Variants in ARMC2 observed in about 807,000 individuals in gnomAD.
ARMC2 encodes the protein armadillo repeat-containing protein 2.
Under a neutral mutation model 90.3 loss-of-function variants are expected in ARMC2, and 67 were observed. That is an observed-to-expected ratio of 0.74 (90% CI 0.61 to 0.91). ARMC2 has a LOEUF of 0.91. Ranked by LOEUF, ARMC2 falls within the 40% of genes least tolerant of loss-of-function variation. ARMC2 has a pLI of 0.00. For synonymous variants in ARMC2, 393 were observed against 393.0 expected (o/e 1.00, Z 0.00); for missense variants, 920 against 1,030.9 (o/e 0.89, Z 1.47).
At chr6:108,910,747 T>A (rs1773338458) in intron 8 of ARMC2, among the ~76,000 whole-genome samples, 152 bp from the exon 9 acceptor site, 1 of 151,204 alleles carries the variant, frequency 6.6e-6, no homozygotes, top group South Asian at 2.1e-4. Flanking sequence ...TTGGCAAATA[T>A]GTGGTCTAAA....
Position 108,854,291 on chromosome 6 carries a change from G to A in ARMC2, c.24G>A (p.Met8Ile). 1.2e-6 allele frequency: 2 copies of A among 1,609,964 alleles called. No individual in the cohort carries two copies. The highest frequency in any genetic ancestry group is 1.3e-5 in the African/African-American group (1 of 74,710). Residue 8 changes from methionine to isoleucine, a missense_variant, in exon 2 of 18, where the codon ATG (methionine) becomes ATA (isoleucine). Coordinates refer to ENST00000392644, the MANE Select transcript of ARMC2 (RefSeq NM_032131.6). MLSPNDK[M>I]LGKLDPFYQP... Reference sequence around the variant, plus strand: ...AGATGCTGTCTCCAAATGATAAAATGTTAGGAAAACTGGATCCATTTTATC... The same window carrying A: ...AGATGCTGTCTCCAAATGATAAAATATTAGGAAAACTGGATCCATTTTATC...
chr6:109,032,923 G>C, the ARMC2 span, among the ~76,000 whole-genome samples: 7 of 152,106 alleles, frequency 4.6e-5, no homozygotes, highest in Non-Finnish European at 1.0e-4. Flanking sequence ...TAACAACAGA[G>C]AGCACAGTGC....
the ARMC2 span, among the ~76,000 whole-genome samples, chr6:109,032,164 C>T: frequency 9.9e-5 from 15 of 151,758 alleles, no homozygotes; most frequent in East Asian, 5.8e-4. Flanking sequence ...CCCAGCTATT[C>T]GGGAGGTTGA....
chr6:108,951,145 T>C (rs1293445290), intron 12 of ARMC2, among the ~76,000 whole-genome samples: 1 of 152,240 alleles, frequency 6.6e-6, no homozygotes, highest in Non-Finnish European at 1.5e-5. Flanking sequence ...CAAGCATCTG[T>C]GTGAGTCCAG....
intron 2 of ARMC2, among the ~76,000 whole-genome samples, chr6:108,855,578 C>T (rs1445303646): frequency 1.3e-5 from 2 of 152,154 alleles, no homozygotes; most frequent in Non-Finnish European, 2.9e-5. Flanking sequence ...GGGTAAACAC[C>T]AAGGAGCATG....
At chr6:108,872,797 A>G (rs1360663136) in intron 4 of ARMC2, among the ~76,000 whole-genome samples, 1 of 152,170 alleles carries the variant, frequency 6.6e-6, no homozygotes, top group East Asian at 1.9e-4. Flanking sequence ...TGCCAAACTG[A>G]GTTCCAGGGA....
chr6:108,923,580 G>A (rs1774808527), intron 10 of ARMC2, among the ~76,000 whole-genome samples: 1 of 149,032 alleles, frequency 6.7e-6, no homozygotes, highest in Non-Finnish European at 1.5e-5. Flanking sequence ...TGCCTTTACT[G>A]TGACCACATG....
chr6:108,992,051 T>G, the ARMC2 span, among the ~76,000 whole-genome samples: 91 of 152,320 alleles, frequency 6.0e-4, no homozygotes, highest in Middle Eastern at 6.8e-3. Context: ...TCTAATCTAT[T>G]GCATAATTAT....
chr6:108,867,431 A>G (rs1209581649), intron 3 of ARMC2, among the ~76,000 whole-genome samples: 1 of 152,158 alleles, frequency 6.6e-6, no homozygotes, highest in Non-Finnish European at 1.5e-5. Flanking sequence ...GATGGGGGAA[A>G]AAATAGGGAG....
chr6:108,944,107 G>A (rs567857746), intron 12 of ARMC2, among the ~76,000 whole-genome samples: 11 of 152,202 alleles, frequency 7.2e-5, no homozygotes, highest in Non-Finnish European at 1.5e-4. Context: ...GACAGCAGAG[G>A]GGTTCCCATA....
chr6:108,994,602 T>A, the ARMC2 span: 1 of 1,607,906 alleles, frequency 6.2e-7, no homozygotes, highest in Non-Finnish European at 8.5e-7. Flanking sequence ...AAAGAAAGAA[T>A]CACTTACCTG....
intron 17 of ARMC2, among the ~76,000 whole-genome samples, chr6:108,969,426 T>C (rs985930994): frequency 1.1e-4 from 16 of 152,196 alleles, no homozygotes; most frequent in Admixed American, 9.8e-4. Flanking sequence ...TAGGGTCTTT[T>C]AATTCTTTCT....
chr6:108,912,052 A>G (rs1488706244), intron 9 of ARMC2, among the ~76,000 whole-genome samples: 2 of 152,192 alleles, frequency 1.3e-5, no homozygotes, highest in African/African-American at 4.8e-5. Flanking sequence ...AATAAAGGTC[A>G]ATAAATAATT....
At chr6:109,049,095 A>T in the ARMC2 span, among the ~76,000 whole-genome samples, 2 of 152,212 alleles carry the variant, frequency 1.3e-5, no homozygotes, top group African/African-American at 4.8e-5. Context: ...CAAGGCTTTG[A>T]GAACATCTTG....
the ARMC2 span, among the ~76,000 whole-genome samples, chr6:108,995,805 A>G: frequency 6.6e-6 from 1 of 152,102 alleles, no homozygotes; most frequent in Non-Finnish European, 1.5e-5. Context: ...AAAAAGTCTT[A>G]ATCTCAAATC....
intron 12 of ARMC2, among the ~76,000 whole-genome samples, chr6:108,938,599 C>CTTTTTTTTTTTTTTTTTTTTTTTTTT (rs4027582): frequency 7.2e-5 from 6 of 83,104 alleles, no homozygotes; most frequent in South Asian, 4.8e-4. Context: ...CCATTACTAC[C>CTTTTTTTTTTTTTTTTTTTTTTTTTT]TTTTTTTTTT....
the ARMC2 span, among the ~76,000 whole-genome samples, chr6:109,006,327 C>T: frequency 1.6e-4 from 25 of 151,708 alleles, no homozygotes; most frequent in Non-Finnish European, 2.9e-4. Context: ...ACTTTAAGTT[C>T]TAGGGTACAT....
chr6:108,962,797 G>A (rs533050536), intron 15 of ARMC2, among the ~76,000 whole-genome samples: 2 of 152,256 alleles, frequency 1.3e-5, no homozygotes, highest in African/African-American at 2.4e-5. Context: ...TTGAGGGCAC[G>A]AGTTTGAGAT....
At chr6:108,994,576 T>A in the ARMC2 span, 1 of 1,613,328 alleles carries the variant, frequency 6.2e-7, no homozygotes, top group Non-Finnish European at 8.5e-7. Flanking sequence ...ATCTTTTCCA[T>A]GAGGGCTTCA....
Sources: gnomAD v4.1 joint callset for allele counts (sites outside exome capture counted in the v4.1 genomes callset) on GRCh38, gnomAD v4.1.1 for gene constraint, MANE v1.5 for transcripts, NCBI Gene and HGNC (gene_info 2026-07-23, HGNC 2026-07-21) for gene names.